The following FGGY variants were observed in gnomAD, a reference collection of about 807,000 sequenced individuals.
The protein encoded by FGGY is FGGY carbohydrate kinase domain containing.
Under a neutral mutation model 71.3 loss-of-function variants are expected in FGGY, and 72 were observed. The observed-to-expected ratio is 1.01, with a 90% CI of 0.84 to 1.23. FGGY has a LOEUF of 1.23. FGGY is among the 50% of genes most tolerant of loss of function. The probability of loss-of-function intolerance (pLI) is 0.00; values close to 1 mark genes in which losing one functional copy is unlikely to be tolerated. For synonymous variants in FGGY, 251 were observed against 250.3 expected (o/e 1.00, Z -0.02); for missense variants, 668 against 682.3 (o/e 0.98, Z 0.23).
At position 59,321,647 on chromosome 1, in the gene FGGY, T is replaced by C; in HGVS notation, c.98T>C (p.Leu33Pro). 1 of 1,613,606 alleles carries C rather than the reference T, an allele frequency of 6.2e-7. No homozygotes were observed. Among genetic ancestry groups the C allele is most frequent in the Non-Finnish European group, 8.5e-7 (1 of 1,179,738 alleles). The part of the protein sequence containing the change: ...RAALVDQSGV[L>P]LAFADQPIKN... ...GCTCTGGTGGACCAGAGTGGGGTCCTGTTGGCTTTTGCAGACCAGCCAATT... is the reference window on the plus strand; with the variant it reads ...GCTCTGGTGGACCAGAGTGGGGTCCCGTTGGCTTTTGCAGACCAGCCAATT... The change falls in exon 2 of 16, where the codon CTG becomes CCG. Residue 33 changes from leucine (L) to proline (P), a missense_variant. Coordinates refer to ENST00000303721, the MANE Select transcript of FGGY (RefSeq NM_018291.5).
At chr1:59,533,591 G>A (rs2095225142) in intron 7 of FGGY, among the ~76,000 whole-genome samples, 1 of 152,230 alleles carries the variant, frequency 6.6e-6, no homozygotes, top group African/African-American at 2.4e-5. Context: ...AGACTTAAAT[G>A]TCCCTGTCTG....
At chr1:59,484,922 A>G (rs1283365539) in intron 6 of FGGY, among the ~76,000 whole-genome samples, 2 of 152,186 alleles carry the variant, frequency 1.3e-5, no homozygotes, top group Non-Finnish European at 2.9e-5. Context: ...GCTCTTTAAA[A>G]TGGTTCAAAA....
intron 6 of FGGY, among the ~76,000 whole-genome samples, chr1:59,463,997 G>A (rs975547378): frequency 6.6e-6 from 1 of 152,180 alleles, no homozygotes; most frequent in African/African-American, 2.4e-5. Context: ...CTTGAATTCA[G>A]CTCTGCACCA....
intron 7 of FGGY, among the ~76,000 whole-genome samples, chr1:59,549,411 AG>A (rs2095573993): frequency 6.6e-6 from 1 of 152,242 alleles, no homozygotes; most frequent in Non-Finnish European, 1.5e-5. Context: ...ATCTTTTTCA[AG>A]ATGCCAACAC....
intron 1 of FGGY, among the ~76,000 whole-genome samples, chr1:59,310,542 T>C (rs1270397027): frequency 6.6e-6 from 1 of 152,200 alleles, no homozygotes; most frequent in Admixed American, 6.5e-5. Flanking sequence ...AATTAGGAAA[T>C]GACTCCCCCT....
intron 5 of FGGY, among the ~76,000 whole-genome samples, chr1:59,440,948 A>T (rs978273531): frequency 6.6e-6 from 1 of 151,998 alleles, no homozygotes; most frequent in African/African-American, 2.4e-5. Flanking sequence ...GGAAAACTTA[A>T]GTACTCTATC....
At chr1:59,569,103 A>G (rs547424856) in intron 8 of FGGY, among the ~76,000 whole-genome samples, 19 of 152,306 alleles carry the variant, frequency 1.2e-4, no homozygotes, top group Admixed American at 8.5e-4. Context: ...TATGACAGCT[A>G]GGATTTATTA....
chr1:59,612,505 A>G (rs886413898), intron 9 of FGGY, among the ~76,000 whole-genome samples: 49 of 152,194 alleles, frequency 3.2e-4, no homozygotes, highest in African/African-American at 1.1e-3. Context: ...AGCACTAAAC[A>G]TGGAAAGGAA....
At chr1:59,510,329 G>A (rs2094490182) in intron 6 of FGGY, among the ~76,000 whole-genome samples, 2 of 152,152 alleles carry the variant, frequency 1.3e-5, no homozygotes, top group South Asian at 4.1e-4. Context: ...ATATGAAAAT[G>A]AAATGAGAAA....
At chr1:59,463,777 C>T (rs1294599709) in intron 6 of FGGY, among the ~76,000 whole-genome samples, 3 of 151,874 alleles carry the variant, frequency 2.0e-5, no homozygotes, top group African/African-American at 4.8e-5. Context: ...AAGGCCATTA[C>T]ATAATGGTAA....
chr1:59,644,341 A>G (rs923802170), intron 11 of FGGY, among the ~76,000 whole-genome samples: 7 of 152,170 alleles, frequency 4.6e-5, no homozygotes, highest in African/African-American at 1.7e-4. Flanking sequence ...CTATCATGTG[A>G]CTAGCTGTTT....
chr1:59,673,675 C>T (rs894565968), intron 13 of FGGY: 4 of 235,076 alleles, frequency 1.7e-5, no homozygotes, highest in East Asian at 9.6e-5. Context: ...GGGCACAGTC[C>T]GATTCATCTC....
chr1:59,539,387 T>C (rs2095404202), intron 7 of FGGY, among the ~76,000 whole-genome samples: 1 of 152,102 alleles, frequency 6.6e-6, no homozygotes, highest in Non-Finnish European at 1.5e-5. Context: ...TAATTAAGAA[T>C]GGTATTGAGG....
chr1:59,593,592 C>G (rs1044342482), intron 8 of FGGY, among the ~76,000 whole-genome samples: 1 of 152,176 alleles, frequency 6.6e-6, no homozygotes, highest in Non-Finnish European at 1.5e-5. Flanking sequence ...ATATGCCAAT[C>G]CAGCATTTGT....
chr1:59,383,420 C>T (rs534646690), intron 5 of FGGY, among the ~76,000 whole-genome samples: 1 of 152,176 alleles, frequency 6.6e-6, no homozygotes, highest in East Asian at 1.9e-4. Flanking sequence ...AAGTTGTAAA[C>T]AAAAAATAAA....
intron 1 of FGGY, chr1:59,315,755 T>C (rs1289275319): frequency 6.6e-6 from 1 of 152,140 alleles, no homozygotes; most frequent in Admixed American, 6.5e-5. Context: ...AGATGAAAAA[T>C]GTGTTGTGCC....
At chr1:59,666,114 CCTT>C (rs1218708105) in intron 12 of FGGY, among the ~76,000 whole-genome samples, 8 of 152,314 alleles carry the variant, frequency 5.3e-5, no homozygotes, top group African/African-American at 1.9e-4. Flanking sequence ...TTGGCTCATG[CCTT>C]CTTCTTGGTG....
intron 4 of FGGY, among the ~76,000 whole-genome samples, chr1:59,373,486 G>T (rs998332217): frequency 9.2e-5 from 14 of 152,066 alleles, no homozygotes; most frequent in African/African-American, 3.1e-4. Context: ...ACTGCCCAAG[G>T]TAATTTATAG....
chr1:59,586,878 G>C (rs2096300903), intron 8 of FGGY, among the ~76,000 whole-genome samples: 1 of 152,202 alleles, frequency 6.6e-6, no homozygotes, highest in South Asian at 2.1e-4. Flanking sequence ...CAGAAGACGG[G>C]TGATTTCTGC....
Sources: allele counts gnomAD v4.1 joint callset (sites outside exome capture counted in the v4.1 genomes callset), GRCh38; gene constraint gnomAD v4.1.1; transcripts MANE v1.5; gene names NCBI Gene and HGNC (gene_info 2026-07-23, HGNC 2026-07-21).